MGAT4C: variants seen among roughly 807,000 people sequenced by gnomAD.
MGAT4C encodes the protein MGAT4 family member C.
MGAT4C carries 19 observed loss-of-function variants against 40.1 expected under a neutral mutation model. That is an observed-to-expected ratio of 0.47 (90% confidence interval 0.33 to 0.70). The LOEUF (loss-of-function observed/expected upper bound fraction) is 0.70. Ranked by LOEUF, MGAT4C falls within the 30% of genes least tolerant of loss-of-function variation. The pLI, the probability that MGAT4C is intolerant of heterozygous loss-of-function variation, is 0.02. For synonymous variants in MGAT4C, 181 were observed against 187.1 expected (o/e 0.97, Z 0.27); for missense variants, 491 against 563.2 (o/e 0.87, Z 1.30).
chr12:86,681,091 T>C (rs181284951), intron 2 of MGAT4C, among the ~76,000 whole-genome samples: 18 of 152,004 alleles, frequency 1.2e-4, no homozygotes, highest in Non-Finnish European at 2.2e-4. Flanking sequence ...ATAAAATATA[T>C]ATTACTTAGT....
chr12:85,979,264 A>G lies in MGAT4C; in HGVS notation c.*25T>C. On this transcript the variant is annotated 3_prime_UTR_variant, in exon 5 of 5. Coordinates refer to ENST00000611864, the MANE Select transcript of MGAT4C (RefSeq NM_001351288.2). ...GACGAAGCAGGAAGAACTGCTTCAG[A>G]AACTGAACATACTGATTTAATTGGC... 1.3e-6 allele frequency: 2 copies of G among 1,537,352 alleles called. No individual in the cohort carries two copies. Among genetic ancestry groups the G allele is most frequent in the Non-Finnish European group, 1.8e-6 (2 of 1,139,328 alleles).
At chr12:86,519,883 A>G (rs1051832882) in intron 2 of MGAT4C, among the ~76,000 whole-genome samples, 7 of 151,992 alleles carry the variant, frequency 4.6e-5, no homozygotes, top group South Asian at 2.1e-4. Flanking sequence ...TTCTTTGTGC[A>G]TAAGATTTTT....
chr12:86,100,931 T>C (rs1236786405), intron 1 of MGAT4C, among the ~76,000 whole-genome samples: 1 of 151,760 alleles, frequency 6.6e-6, no homozygotes, highest in Non-Finnish European at 1.5e-5. Flanking sequence ...ATTGTCTTCA[T>C]AATTTATGCA....
intron 2 of MGAT4C, among the ~76,000 whole-genome samples, chr12:86,495,809 C>T (rs1958225619): frequency 6.6e-6 from 1 of 151,934 alleles, no homozygotes; most frequent in African/African-American, 2.4e-5. Flanking sequence ...TAGTTTCTTC[C>T]TCAAACAAGA....
At chr12:86,612,363 A>G (rs1315279793) in intron 2 of MGAT4C, among the ~76,000 whole-genome samples, 1 of 152,184 alleles carries the variant, frequency 6.6e-6, no homozygotes, top group African/African-American at 2.4e-5. Context: ...TTCATCTTCC[A>G]TAGATGCCTG....
At chr12:86,816,385 G>T (rs1025574718) in intron 1 of MGAT4C, among the ~76,000 whole-genome samples, 1 of 151,642 alleles carries the variant, frequency 6.6e-6, no homozygotes, top group Non-Finnish European at 1.5e-5. Flanking sequence ...CTTAATTTCT[G>T]AGAAAACATA....
chr12:86,012,566 C>A (rs1232622660), intron 2 of MGAT4C, among the ~76,000 whole-genome samples: 1 of 151,722 alleles, frequency 6.6e-6, no homozygotes, highest in East Asian at 1.9e-4. Flanking sequence ...CATGGCAGAA[C>A]CCCATCTCTA....
intron 2 of MGAT4C, among the ~76,000 whole-genome samples, chr12:86,521,968 G>C (rs1329522792): frequency 6.6e-6 from 1 of 152,086 alleles, no homozygotes; most frequent in East Asian, 1.9e-4. Context: ...CTGAGAGTTT[G>C]TTAAAGTTAT....
chr12:86,582,697 G>A (rs1298540006), intron 2 of MGAT4C, among the ~76,000 whole-genome samples: 1 of 151,208 alleles, frequency 6.6e-6, no homozygotes, highest in Non-Finnish European at 1.5e-5. Context: ...CTGATACACA[G>A]TCTGGTCAAG....
chr12:86,620,256 G>C (rs1002849019), intron 2 of MGAT4C, among the ~76,000 whole-genome samples: 3 of 151,980 alleles, frequency 2.0e-5, no homozygotes, highest in Non-Finnish European at 4.4e-5. Context: ...ATACACCTGT[G>C]CTATTATGTT....
intron 4 of MGAT4C, among the ~76,000 whole-genome samples, chr12:86,307,975 T>A (rs558954542): frequency 1.3e-5 from 2 of 150,698 alleles, no homozygotes; most frequent in Admixed American, 1.3e-4. Flanking sequence ...AGTGCTGGGA[T>A]TACAGGCGTG....
At chr12:86,265,250 A>G (rs1278860006) in intron 4 of MGAT4C, among the ~76,000 whole-genome samples, 2 of 152,190 alleles carry the variant, frequency 1.3e-5, no homozygotes, top group Non-Finnish European at 2.9e-5. Flanking sequence ...GCAGCCTGCC[A>G]GGCCAAAACA....
intron 2 of MGAT4C, among the ~76,000 whole-genome samples, chr12:86,616,418 C>A: frequency 6.6e-6 from 1 of 151,990 alleles, no homozygotes; most frequent in Middle Eastern, 3.4e-3. Context: ...CATAGGTAAC[C>A]GTAAGTAACA....
At chr12:86,759,246 C>T (rs1951359416) in intron 1 of MGAT4C, among the ~76,000 whole-genome samples, 1 of 152,040 alleles carries the variant, frequency 6.6e-6, no homozygotes, top group Non-Finnish European at 1.5e-5. Context: ...AATAGTATTC[C>T]ATTGTGTATA....
At chr12:86,171,648 T>C (rs1434550164) in intron 1 of MGAT4C, among the ~76,000 whole-genome samples, 2 of 152,200 alleles carry the variant, frequency 1.3e-5, no homozygotes, top group African/African-American at 4.8e-5. Context: ...CCAGACATTT[T>C]CCTTATAGGC....
chr12:86,703,414 T>C (rs994532047), intron 2 of MGAT4C, among the ~76,000 whole-genome samples: 2 of 152,148 alleles, frequency 1.3e-5, no homozygotes, highest in African/African-American at 4.8e-5. Flanking sequence ...TCATTGTTTT[T>C]TGATTTTAAG....
intron 1 of MGAT4C, among the ~76,000 whole-genome samples, chr12:86,253,224 G>T (rs1952374829): frequency 1.3e-5 from 2 of 151,752 alleles, no homozygotes; most frequent in African/African-American, 4.8e-5. Context: ...GCAACAACAA[G>T]AATTTTTTTA....
intron 1 of MGAT4C, among the ~76,000 whole-genome samples, chr12:86,127,421 T>C (rs1880466977): frequency 6.6e-6 from 1 of 152,162 alleles, no homozygotes; most frequent in Admixed American, 6.5e-5. Flanking sequence ...GAGTGACTAG[T>C]GAGTAAATGT....
chr12:86,748,068 T>C lies in MGAT4C; in HGVS notation c.-261-20827A>G, dbSNP rs77326231. On this transcript the variant is annotated intron_variant, in intron 1 of 7. Coordinates refer to the MGAT4C transcript ENST00000548651. ...ACTCACTGCATTATTATTTATCAAT[T>C]TATCAGTGGATATCTGATTAGAGAG... is the stretch of plus-strand genomic sequence containing the variant. Among the ~76,000 whole-genome samples, 26 of 151,786 alleles carry C rather than the reference T, an allele frequency of 1.7e-4. No individual in the cohort carries two copies. The East Asian group carries it at 5.1e-3, about 30-fold the overall frequency.
Sources: allele counts gnomAD v4.1 joint callset (sites outside exome capture counted in the v4.1 genomes callset), GRCh38; gene constraint gnomAD v4.1.1; transcripts MANE v1.5; gene names NCBI Gene and HGNC (gene_info 2026-07-23, HGNC 2026-07-21).